The following PRDM16 variants were observed in gnomAD, a reference collection of about 807,000 sequenced individuals.
PRDM16 encodes histone-lysine N-methyltransferase PRDM16.
A neutral mutation model predicts 110.6 loss-of-function variants in PRDM16; 23 were observed. That is an observed-to-expected ratio of 0.21 (90% CI 0.15 to 0.29). PRDM16 has a LOEUF of 0.29. PRDM16 is among the 10% of genes least tolerant of loss of function. The pLI is 1.00. For synonymous variants in PRDM16, 799 were observed against 781.8 expected (o/e 1.02, Z -0.37); for missense variants, 1,615 against 1,794.3 (o/e 0.90, Z 1.81).
chr1:3,106,112 G>A (rs1557449629), intron 1 of PRDM16, among the ~76,000 whole-genome samples: 3 of 151,662 alleles, frequency 2.0e-5, no homozygotes. Flanking sequence ...TGCCAGCCCA[G>A]CTCCCCACCT....
intron 3 of PRDM16, among the ~76,000 whole-genome samples, chr1:3,276,078 C>T (rs972824384): frequency 6.6e-6 from 1 of 152,228 alleles, no homozygotes; most frequent in Non-Finnish European, 1.5e-5. Flanking sequence ...TGACAATTAC[C>T]CACAGCCAGG....
intron 1 of PRDM16, among the ~76,000 whole-genome samples, chr1:3,112,009 A>T (rs542281671): frequency 6.9e-4 from 105 of 152,320 alleles, no homozygotes; most frequent in African/African-American, 2.4e-3. Flanking sequence ...GATAAATGTC[A>T]GTGCGGATAA....
intron 3 of PRDM16, among the ~76,000 whole-genome samples, chr1:3,273,827 T>A (rs916569453): frequency 2.6e-4 from 39 of 148,528 alleles, no homozygotes; most frequent in South Asian, 1.9e-3. Flanking sequence ...AGTGTGTGTG[T>A]GTGTGTGTGT....
At chr1:3,165,153 C>T (rs116492928) in intron 1 of PRDM16, among the ~76,000 whole-genome samples, 4,087 of 152,302 alleles carry the variant, frequency 0.027, 200 homozygotes, top group African/African-American at 0.093. Context: ...TGTGAGCGCC[C>T]GTGGGCTCAG....
chr1:3,073,663 G>T (rs191934106), intron 1 of PRDM16, among the ~76,000 whole-genome samples: 1 of 152,238 alleles, frequency 6.6e-6, no homozygotes, highest in Non-Finnish European at 1.5e-5. Context: ...GGGTCGGGGA[G>T]CGGGGCCTGG....
At chr1:3,193,545 T>G (rs1638373558) in intron 2 of PRDM16, among the ~76,000 whole-genome samples, 2 of 152,154 alleles carry the variant, frequency 1.3e-5, no homozygotes, top group African/African-American at 2.4e-5. Context: ...GCCATGGACC[T>G]CCGCACTCTC....
At chr1:3,277,063 A>G (rs1009605486) in intron 3 of PRDM16, among the ~76,000 whole-genome samples, 2 of 151,988 alleles carry the variant, frequency 1.3e-5, no homozygotes, top group Non-Finnish European at 2.9e-5. Flanking sequence ...CATTTCCCCC[A>G]GGACCCCGTT....
In PRDM16 at chr1:3,170,886, C is replaced by T. The variant is rs559299081; in HGVS notation, c.38-15239C>T. Among the ~76,000 whole-genome samples, 211 of 152,364 alleles carry T rather than the reference C, an allele frequency of 1.4e-3. 1 individual carries two copies. The highest frequency in any genetic ancestry group is 5.0e-3 in the African/African-American group (207 of 41,594). ...TGGCCTTCTCTGTCTGCAGCAGCCA[C>T]GGTGGAGGCAGGCCACCGGGGAAAC... is the stretch of plus-strand genomic sequence containing the variant. On this transcript the variant is annotated intron_variant, in intron 1 of 16. Coordinates refer to ENST00000270722, the MANE Select transcript of PRDM16 (RefSeq NM_022114.4).
chr1:3,212,629 C>A (rs1638918687), intron 2 of PRDM16, among the ~76,000 whole-genome samples: 3 of 148,694 alleles, frequency 2.0e-5, no homozygotes, highest in Non-Finnish European at 4.5e-5. Flanking sequence ...GGTCCTCCCG[C>A]TCATCCTCCC....
rs1042450567 is a variant in PRDM16, at chr1:3,434,666, G to A, written c.*855G>A. 3.4e-5 allele frequency: 8 copies of A among 232,470 alleles called. No homozygotes were observed. The highest frequency in any genetic ancestry group is 1.5e-4 in the African/African-American group (7 of 45,388). The allele number at this position is 232,470 out of a possible 1,614,324, so 14.4% of individuals were successfully genotyped here. On this transcript the variant is annotated 3_prime_UTR_variant, in exon 17 of 17. Transcript: ENST00000270722. ...ATGGAATTGGTGTCAGGACCGCCAC[G>A]TGGCCTTCAGAGGAATCCACAGGTC...
rs1372412577 is a variant in PRDM16, at chr1:3,208,417, C to G, written c.387+21943C>G. The G allele has an allele frequency of 6.6e-6, 1 of 152,180 alleles. No homozygotes were observed. Among genetic ancestry groups the G allele is most frequent in the Non-Finnish European group, 1.5e-5 (1 of 68,068 alleles). The allele number at this position is 152,180 out of a possible 1,614,324, so 9.4% of individuals were successfully genotyped here. ...ACTCGGTGACTCACGCCTGTAATCCCAGCACTTTGGCAGGCCAAGGAGGGT... is the reference window on the plus strand; with the variant it reads ...ACTCGGTGACTCACGCCTGTAATCCGAGCACTTTGGCAGGCCAAGGAGGGT... On this transcript the variant is annotated intron_variant, in intron 2 of 16. Coordinates refer to ENST00000270722, the MANE Select transcript of PRDM16 (RefSeq NM_022114.4). The surrounding 1 kb of genome is among the most constrained non-coding windows in gnomAD (Gnocchi z 6.1).
chr1:3,365,961 T>C (rs924448250), intron 3 of PRDM16, among the ~76,000 whole-genome samples: 1 of 151,082 alleles, frequency 6.6e-6, no homozygotes, highest in Admixed American at 6.6e-5. Context: ...CATGCACACA[T>C]GCACACACAC....
At chr1:3,330,794 T>C (rs1642026627) in intron 3 of PRDM16, among the ~76,000 whole-genome samples, 1 of 152,216 alleles carries the variant, frequency 6.6e-6, no homozygotes, top group African/African-American at 2.4e-5. Context: ...CCAGAAACCT[T>C]GGATCTCTGG....
intron 3 of PRDM16, among the ~76,000 whole-genome samples, chr1:3,319,450 G>GGGCC (rs1430327702): frequency 3.3e-5 from 5 of 152,170 alleles, no homozygotes; most frequent in Admixed American, 3.3e-4. Context: ...CAGGGTGATG[G>GGGCC]GGAACATGCC....
chr1:3,404,242 C>T (rs1262577953), intron 6 of PRDM16, among the ~76,000 whole-genome samples: 1 of 152,240 alleles, frequency 6.6e-6, no homozygotes, highest in African/African-American at 2.4e-5. Context: ...CTCCGAGCAG[C>T]TGTGCTCGGG....
intron 1 of PRDM16, among the ~76,000 whole-genome samples, chr1:3,105,048 C>CG (rs1642621201): frequency 2.4e-5 from 3 of 127,124 alleles, no homozygotes; most frequent in African/African-American, 5.9e-5. Flanking sequence ...TGGAGAGGAG[C>CG]GGGGGGTGGG....
In PRDM16 at chr1:3,186,414, G is replaced by T. The variant is rs1249487074; in HGVS notation, c.327G>T (p.Arg109Ser). 6.3e-7 allele frequency: 1 copy of T among 1,591,836 alleles called. No individual in the cohort carries two copies. The highest frequency in any genetic ancestry group is 1.3e-5 in the African/African-American group (1 of 74,184). ...WAKRKMEAGE[R>S]LGPCVVVPRA... ...AGAGGAAGATGGAAGCCGGGGAGAG[G>T]CTGGGCCCCTGCGTGGTGGTGCCCC... is the stretch of plus-strand genomic sequence containing the variant. The change falls in exon 2 of 17, where the codon AGG becomes AGT. Residue 109 changes from arginine to serine, a missense_variant. Coordinates refer to ENST00000270722, the MANE Select transcript of PRDM16 (RefSeq NM_022114.4).
intron 3 of PRDM16, among the ~76,000 whole-genome samples, chr1:3,295,547 G>A (rs958641023): frequency 6.6e-6 from 1 of 152,144 alleles, no homozygotes; most frequent in Admixed American, 6.5e-5. Context: ...ACATGTGCGG[G>A]GTGAACAAAA....
At chr1:3,181,046 G>T (rs938860962) in intron 1 of PRDM16, among the ~76,000 whole-genome samples, 1 of 142,772 alleles carries the variant, frequency 7.0e-6, no homozygotes, top group African/African-American at 2.7e-5. Flanking sequence ...TCTTACACAC[G>T]CAGTCTTACA....
Sources: gnomAD v4.1 joint callset for allele counts (sites outside exome capture counted in the v4.1 genomes callset) on GRCh38, gnomAD v4.1.1 for gene constraint, Gnocchi (gnomAD v3.1) non-coding constraint, MANE v1.5 for transcripts, NCBI Gene and HGNC (gene_info 2026-07-23, HGNC 2026-07-21) for gene names.